EDIL3: variants seen among roughly 807,000 people sequenced by gnomAD.
EDIL3 encodes the protein EGF like and discoidin domains 3.
In EDIL3, 37 loss-of-function variants were observed where a neutral mutation model predicts 67.4. The observed-to-expected ratio is 0.55, with a 90% CI of 0.42 to 0.72. EDIL3 has a LOEUF of 0.72. Ranked by LOEUF, EDIL3 falls within the 30% of genes least tolerant of loss-of-function variation. EDIL3 has a pLI of 0.00. For synonymous variants in EDIL3, 195 were observed against 196.3 expected (o/e 0.99, Z 0.05); for missense variants, 527 against 586.3 (o/e 0.90, Z 1.04).
chr5:84,090,819 G>A (rs556193413), intron 6 of EDIL3, among the ~76,000 whole-genome samples: 6 of 151,892 alleles, frequency 4.0e-5, no homozygotes, highest in Admixed American at 6.6e-5. Flanking sequence ...GTGGTGGTGC[G>A]TGCCTGTAGT....
chr5:84,310,567 G>A (rs578092862), intron 1 of EDIL3, among the ~76,000 whole-genome samples: 1 of 152,216 alleles, frequency 6.6e-6, no homozygotes, highest in South Asian at 2.1e-4. Flanking sequence ...TAAGCACTAT[G>A]AGTGACATGA....
intron 6 of EDIL3, among the ~76,000 whole-genome samples, chr5:84,098,110 A>C (rs1231514979): frequency 1.3e-5 from 2 of 152,052 alleles, no homozygotes; most frequent in Non-Finnish European, 2.9e-5. Context: ...GAAAAAAAAA[A>C]AAAACTTGTT....
At chr5:84,279,158 G>T (rs552159104) in intron 1 of EDIL3, among the ~76,000 whole-genome samples, 1 of 152,114 alleles carries the variant, frequency 6.6e-6, no homozygotes, top group Admixed American at 6.5e-5. Context: ...TTTCATGAAA[G>T]AAAATTTATT....
chr5:84,256,003 T>C (rs1745115306), intron 1 of EDIL3, among the ~76,000 whole-genome samples: 2 of 152,186 alleles, frequency 1.3e-5, no homozygotes, highest in Admixed American at 1.3e-4. Context: ...TTTTAAAGTT[T>C]GGACATGGTC....
intron 9 of EDIL3, among the ~76,000 whole-genome samples, chr5:84,051,135 C>G (rs1221255438): frequency 6.6e-6 from 1 of 152,196 alleles, no homozygotes; most frequent in Non-Finnish European, 1.5e-5. Context: ...AACGATCAGA[C>G]AGCAACATTT....
At chr5:84,340,534 C>CTCTCTCTCTCTCTATATA (rs1432966515) in intron 1 of EDIL3, among the ~76,000 whole-genome samples, 3 of 54,208 alleles carry the variant, frequency 5.5e-5, no homozygotes, top group African/African-American at 1.2e-4. Context: ...CTCTCTCTCT[C>CTCTCTCTCTCTCTATATA]TATATATATA....
chr5:84,042,282 T>C (rs1050056560), intron 9 of EDIL3, among the ~76,000 whole-genome samples: 1 of 149,132 alleles, frequency 6.7e-6, no homozygotes, highest in African/African-American at 2.6e-5. Context: ...ATAGTGCAAA[T>C]GGAAATTTTT....
chr5:84,171,810 T>G (rs1748816509), intron 4 of EDIL3, among the ~76,000 whole-genome samples: 1 of 152,204 alleles, frequency 6.6e-6, no homozygotes, highest in African/African-American at 2.4e-5. Context: ...AAACTCCTAA[T>G]GCCTATGCCA....
At chr5:84,078,624 C>T (rs565772289) in intron 6 of EDIL3, 1 of 152,252 alleles carries the variant, frequency 6.6e-6, no homozygotes, top group Non-Finnish European at 1.5e-5. Flanking sequence ...GGCAAGATAC[C>T]TTACCCAGAC....
intron 5 of EDIL3, among the ~76,000 whole-genome samples, chr5:84,124,586 A>T (rs886799550): frequency 1.3e-5 from 2 of 151,942 alleles, no homozygotes; most frequent in South Asian, 2.1e-4. Flanking sequence ...TGCATTAGAA[A>T]AATTACTTTA....
intron 10 of EDIL3, among the ~76,000 whole-genome samples, chr5:83,956,838 A>G (rs1363557254): frequency 6.6e-6 from 1 of 151,708 alleles, no homozygotes; most frequent in East Asian, 1.9e-4. Flanking sequence ...TGTACCCCAT[A>G]AATATACATA....
chr5:84,061,906 G>T (rs932318023), intron 8 of EDIL3, among the ~76,000 whole-genome samples: 1 of 152,018 alleles, frequency 6.6e-6, no homozygotes, highest in African/African-American at 2.4e-5. Flanking sequence ...TATAAAAGAG[G>T]TGCTTTAGAA....
intron 1 of EDIL3, among the ~76,000 whole-genome samples, chr5:84,313,714 C>T (rs1258136792): frequency 6.6e-6 from 1 of 152,198 alleles, no homozygotes; most frequent in Non-Finnish European, 1.5e-5. Flanking sequence ...AATGCCCAGG[C>T]CACATCTCCG....
intron 3 of EDIL3, among the ~76,000 whole-genome samples, chr5:84,221,181 G>T (rs1744334058): frequency 6.6e-6 from 1 of 152,032 alleles, no homozygotes; most frequent in Admixed American, 6.6e-5. Context: ...AAAACATAAT[G>T]GTCTTAAGGC....
At chr5:84,098,940 C>T (rs938023667) in intron 6 of EDIL3, among the ~76,000 whole-genome samples, 3 of 152,032 alleles carry the variant, frequency 2.0e-5, no homozygotes, top group African/African-American at 7.2e-5. Flanking sequence ...ACATGAAAAG[C>T]CATTCAAAAG....
chr5:84,251,065 G>A (rs548819315), intron 2 of EDIL3, among the ~76,000 whole-genome samples: 1 of 152,086 alleles, frequency 6.6e-6, no homozygotes, highest in South Asian at 2.1e-4. Context: ...AACAACAGGA[G>A]AACAATAACA....
intron 1 of EDIL3, among the ~76,000 whole-genome samples, chr5:84,263,608 T>C (rs1049236764): frequency 1.3e-5 from 2 of 152,076 alleles, no homozygotes; most frequent in Non-Finnish European, 2.9e-5. Flanking sequence ...TTTTGAAAAA[T>C]GGTAATGGTA....
intron 1 of EDIL3, among the ~76,000 whole-genome samples, chr5:84,357,401 C>A (rs1747508731): frequency 6.6e-6 from 1 of 152,044 alleles, no homozygotes; most frequent in East Asian, 1.9e-4. Flanking sequence ...AATATATGGA[C>A]CTGCATATGA....
chr5:84,127,881 C>T (rs1747894294), intron 5 of EDIL3, among the ~76,000 whole-genome samples: 1 of 152,078 alleles, frequency 6.6e-6, no homozygotes, highest in South Asian at 2.1e-4. Flanking sequence ...AAATCTGAAT[C>T]TTTGTTACCA....
Sources: gnomAD v4.1 joint callset for allele counts (sites outside exome capture counted in the v4.1 genomes callset) on GRCh38, gnomAD v4.1.1 for gene constraint, MANE v1.5 for transcripts, NCBI Gene and HGNC (gene_info 2026-07-23, HGNC 2026-07-21) for gene names.